SEMA3A: variants seen among roughly 807,000 people sequenced by gnomAD.
SEMA3A encodes semaphorin-3A.
SEMA3A carries 29 observed loss-of-function variants against 97.9 expected under a neutral mutation model. That is an observed-to-expected ratio of 0.30 (90% CI 0.22 to 0.40). SEMA3A has a LOEUF of 0.40. Ranked by LOEUF, SEMA3A falls within the 10% of genes least tolerant of loss-of-function variation. The pLI is 1.00. For missense variants in SEMA3A, 763 were observed against 951.3 expected, an observed-to-expected ratio of 0.80 and a Z score of 2.60; for synonymous variants, 321 against 323.7, an observed-to-expected ratio of 0.99 and a Z score of 0.09.
chr7:84,463,404 A>G (rs1269469176), intron 1 of SEMA3A, among the ~76,000 whole-genome samples: 1 of 151,364 alleles, frequency 6.6e-6, no homozygotes, highest in South Asian at 2.1e-4. Flanking sequence ...ACCTGCCACC[A>G]CGCCCGGCTA....
intron 4 of SEMA3A, among the ~76,000 whole-genome samples, chr7:84,075,235 G>GTGATCTC (rs1171048208): frequency 6.7e-6 from 1 of 149,008 alleles, no homozygotes; most frequent in Non-Finnish European, 1.5e-5. Flanking sequence ...GTGCAATGGT[G>GTGATCTC]TGATCTCGGC....
At chr7:84,243,976 C>G (rs930802006) in intron 3 of SEMA3A, among the ~76,000 whole-genome samples, 4 of 152,064 alleles carry the variant, frequency 2.6e-5, no homozygotes, top group African/African-American at 9.7e-5. Context: ...GTTATGATTT[C>G]TGTTCTTTTG....
intron 1 of SEMA3A, among the ~76,000 whole-genome samples, chr7:84,186,049 C>T (rs17242738): frequency 0.04 from 6,147 of 152,132 alleles, 250 homozygotes; most frequent in Non-Finnish European, 0.055. Flanking sequence ...TGCTGCAGCT[C>T]TAAGTCATAT....
At chr7:84,175,126 C>T (rs1206493925) in intron 1 of SEMA3A, among the ~76,000 whole-genome samples, 2 of 152,094 alleles carry the variant, frequency 1.3e-5, no homozygotes, top group Non-Finnish European at 2.9e-5. Flanking sequence ...TGGTGTCCAA[C>T]GGACATGGAG....
At chr7:84,162,873 C>G (rs999286060) in intron 1 of SEMA3A, among the ~76,000 whole-genome samples, 4 of 152,162 alleles carry the variant, frequency 2.6e-5, no homozygotes, top group African/African-American at 9.7e-5. Context: ...TGCAATAGTT[C>G]ATGCTAGCTG....
intron 6 of SEMA3A, among the ~76,000 whole-genome samples, chr7:84,036,884 T>G (rs1791959998): frequency 6.6e-6 from 1 of 152,120 alleles, no homozygotes; most frequent in Admixed American, 6.5e-5. Context: ...AAAAAAGTCC[T>G]TAAGTATGTA....
intron 2 of SEMA3A, among the ~76,000 whole-genome samples, chr7:84,366,465 C>T (rs934384460): frequency 6.6e-6 from 1 of 150,816 alleles, no homozygotes; most frequent in African/African-American, 2.4e-5. Flanking sequence ...TATTCATTTA[C>T]TAAAACAGTA....
At chr7:84,395,607 G>A (rs921089577) in intron 1 of SEMA3A, among the ~76,000 whole-genome samples, 2 of 132,092 alleles carry the variant, frequency 1.5e-5, no homozygotes, top group Non-Finnish European at 3.2e-5. Context: ...GGAGATAATT[G>A]AATCATGGGG....
rs539413075 is a variant in SEMA3A at position 84,290,346 on chromosome 7, C to T, written c.-83+16861G>A. Among the ~76,000 whole-genome samples, 34 of 152,100 alleles carry T rather than the reference C, an allele frequency of 2.2e-4. 1 individual carries two copies. In the South Asian group the frequency reaches 7.1e-3, roughly 32 times the overall value. Reference sequence around the variant, plus strand: ...CTCATCTAGAATCCGAGGACCTCTTCTTTGATCTTAAATACCCTTGAAGAG... The same window carrying T: ...CTCATCTAGAATCCGAGGACCTCTTTTTTGATCTTAAATACCCTTGAAGAG... On this transcript the variant is annotated intron_variant, in intron 3 of 3. Transcript: ENST00000424555.
At chr7:84,180,095 T>C (rs1228830828) in intron 1 of SEMA3A, among the ~76,000 whole-genome samples, 2 of 150,376 alleles carry the variant, frequency 1.3e-5, no homozygotes, top group Non-Finnish European at 3.0e-5. Context: ...TACAGGCATG[T>C]GCCACCATGC....
chr7:84,272,675 C>CA (rs1800180994), intron 3 of SEMA3A, among the ~76,000 whole-genome samples: 1 of 151,938 alleles, frequency 6.6e-6, no homozygotes, highest in South Asian at 2.1e-4. Flanking sequence ...AAGTCCAGTG[C>CA]AAAAAGAGAT....
intron 2 of SEMA3A, among the ~76,000 whole-genome samples, chr7:84,323,595 A>G (rs112391781): frequency 2.6e-5 from 4 of 152,122 alleles, no homozygotes; most frequent in African/African-American, 9.7e-5. Flanking sequence ...AAACTCTGAA[A>G]AAATAGTATA....
chr7:84,490,526 G>T (rs1304878778), intron 1 of SEMA3A, among the ~76,000 whole-genome samples: 1 of 152,026 alleles, frequency 6.6e-6, no homozygotes, highest in Admixed American at 6.6e-5. Flanking sequence ...ATTCCATTTG[G>T]ATAAAGAGTA....
At chr7:84,150,160 C>A (rs1000542236) in intron 1 of SEMA3A, among the ~76,000 whole-genome samples, 27 of 152,156 alleles carry the variant, frequency 1.8e-4, no homozygotes, top group African/African-American at 5.8e-4. Flanking sequence ...TATTTTTTAA[C>A]TTTACCCTCA....
rs796169081 is a variant in SEMA3A at position 84,445,878 on chromosome 7, T to TA, written c.-246+46581dup. On this transcript the variant is annotated intron_variant, in intron 1 of 3. Transcript: ENST00000424555. ...GAAGAGGAAAACAAAATAGAAAAGA[T>TA]AAAAAAAAAGAATGAAGAAAAGCAA... 5.2e-4 allele frequency among the ~76,000 whole-genome samples: 76 copies of TA among 147,096 alleles called. 1 individual carries two copies. The highest frequency in any genetic ancestry group is 1.5e-3 in the African/African-American group (62 of 40,010).
At chr7:84,406,463 C>G (rs1804091706) in intron 1 of SEMA3A, among the ~76,000 whole-genome samples, 1 of 152,088 alleles carries the variant, frequency 6.6e-6, no homozygotes, top group Admixed American at 6.5e-5. Context: ...CGAATTCTAC[C>G]AGAGGTACAA....
chr7:84,312,417 A>T (rs1174896795), intron 2 of SEMA3A, among the ~76,000 whole-genome samples: 5 of 151,768 alleles, frequency 3.3e-5, no homozygotes, highest in East Asian at 3.9e-4. Context: ...GAAGACTTTT[A>T]AAAAAATTAC....
chr7:84,046,467 C>T lies in SEMA3A; in HGVS notation c.548-24G>A, dbSNP rs776039113. The T allele has an allele frequency of 3.1e-5, 50 of 1,611,460 alleles. No homozygotes were observed. In the South Asian group the frequency reaches 5.4e-4, roughly 17 times the overall value. On this transcript the variant is annotated intron_variant, in intron 5 of 16. Coordinates refer to ENST00000265362, the MANE Select transcript of SEMA3A (RefSeq NM_006080.3). ...ATCTGTGTTGTGACAAAACCACATA[C>T]ACATTCTTTAATTCAATTAAGGCAA...
intron 2 of SEMA3A, among the ~76,000 whole-genome samples, chr7:84,316,660 C>T (rs1801510691): frequency 6.6e-6 from 1 of 152,082 alleles, no homozygotes. Flanking sequence ...AATCTTCTCT[C>T]CTGTTACTTG....
Sources: gnomAD v4.1 joint callset for allele counts (sites outside exome capture counted in the v4.1 genomes callset) on GRCh38, gnomAD v4.1.1 for gene constraint, MANE v1.5 for transcripts, NCBI Gene and HGNC (gene_info 2026-07-23, HGNC 2026-07-21) for gene names.